The following IGFALS variants were observed in gnomAD, a reference collection of about 807,000 sequenced individuals.
The protein encoded by IGFALS is insulin like growth factor binding protein acid labile subunit.
In IGFALS, 2 loss-of-function variants were observed where a neutral mutation model predicts 2.6. The observed-to-expected ratio is 0.77, with a 90% CI of 0.32 to 2.44. The LOEUF is 2.44. Among genes scored for constraint, IGFALS ranks in the 30% most tolerant of loss-of-function variants. The pLI is 0.11. For synonymous variants in IGFALS, 519 were observed against 431.9 expected (o/e 1.20, Z -2.50); for missense variants, 996 against 848.7 (o/e 1.17, Z -2.16).
intron 1 of IGFALS, 141 bp from the exon 2 acceptor site, chr16:1,792,542 C>G: frequency 7.1e-7 from 1 of 1,409,682 alleles, no homozygotes; most frequent in Non-Finnish European, 9.3e-7. Flanking sequence ...CCGGTGAGCC[C>G]CACAGGTCCT....
chr16:1,793,509 C>G, intron 1 of IGFALS, 128 bp downstream of exon 1: 1 of 795,428 alleles, frequency 1.3e-6, no homozygotes, highest in Non-Finnish European at 2.0e-6. Context: ...TCCCCAGAGT[C>G]CCCCGCAGAC....
chr16:1,793,611 G>A, intron 1 of IGFALS, 26 bp downstream of exon 1: 1 of 1,591,146 alleles, frequency 6.3e-7, no homozygotes, highest in Non-Finnish European at 8.6e-7. Flanking sequence ...CCCTAGAGTG[G>A]GTGGCGGGGC....
In IGFALS at chr16:1,791,942, C is replaced by T. The variant is rs1391855984; in HGVS notation, c.476G>A (p.Ser159Asn). The T allele has an allele frequency of 6.3e-7, 1 of 1,591,196 alleles. No individual in the cohort carries two copies. Among genetic ancestry groups the T allele is most frequent in the Admixed American group, 1.8e-5 (1 of 56,952 alleles). Residue 159 changes from serine (S) to asparagine (N), a missense_variant, in exon 2 of 2, where the codon AGC becomes AAC. Coordinates refer to ENST00000215539, the MANE Select transcript of IGFALS (RefSeq NM_004970.3). ...CTCGAAGAGCCCGTCCTCCAGCCTG[C>T]TCAGACGGTTGTTGCTGAGGCCGAG... ...ASLGLSNNRL[S>N]RLEDGLFEGL...
In IGFALS at chr16:1,790,727, G is replaced by A. The variant is rs1345498171; in HGVS notation, c.1691C>T (p.Ala564Val). The A allele has an allele frequency of 1.9e-6, 3 of 1,608,026 alleles. No individual in the cohort carries two copies. The highest frequency in any genetic ancestry group is 4.5e-5 in the East Asian group (2 of 44,636). Residue 564 changes from alanine to valine, a missense_variant, in exon 2 of 2, where the codon GCC becomes GTC. Coordinates refer to ENST00000215539, the MANE Select transcript of IGFALS (RefSeq NM_004970.3). The stretch of plus-strand genomic sequence containing the variant: ...CTGGCAATCGTCCCCCTCACAGATG[G>A]CCTGGACGAAGCGGGGCACAGCACT... Reference protein sequence around the residue: ...NPSAVPRFVQAICEGDDCQPP... With the variant: ...NPSAVPRFVQVICEGDDCQPP...
Position 1,792,106 on chromosome 16 carries a change from G to A in IGFALS, c.312C>T (p.Asn104=), listed in dbSNP as rs1281895945. ...FQNLSSLGFL[N]LQGGQLGSLE... ...GGCTGCCCAGCTGGCCGCCCTGCAGGTTGAGGAAGCCCAGGCTGGAGAGGT... is the reference window on the plus strand; with the variant it reads ...GGCTGCCCAGCTGGCCGCCCTGCAGATTGAGGAAGCCCAGGCTGGAGAGGT... The change falls in exon 2 of 2, where the codon AAC becomes AAT. Residue 104 remains asparagine (N), a synonymous_variant. Transcript: ENST00000215539. 2.5e-6 allele frequency: 4 copies of A among 1,610,888 alleles called. No homozygotes were observed. Among genetic ancestry groups the A allele is most frequent in the Admixed American group, 1.7e-5 (1 of 59,794 alleles).
rs557105006 is a variant in IGFALS, at chr16:1,793,672, G to A, written c.-20C>T. 48 of 1,583,380 alleles carry A rather than the reference G, an allele frequency of 3.0e-5. 2 individuals are homozygous for A. The highest frequency in any genetic ancestry group is 2.7e-4 in the African/African-American group (20 of 74,278). ...GGCCATCCTGCATGCAGGGCAGGCT[G>A]CAGGCAGGCAGCGAGGGAGGGTACG... On this transcript the variant is annotated 5_prime_UTR_variant, in exon 1 of 2. Coordinates refer to ENST00000215539, the MANE Select transcript of IGFALS (RefSeq NM_004970.3).
chr16:1,792,937 C>T (rs965269657), intron 1 of IGFALS, among the ~76,000 whole-genome samples: 79 of 152,168 alleles, frequency 5.2e-4, no homozygotes, highest in Non-Finnish European at 1.0e-3. Context: ...AGGCCTTGGT[C>T]GGGTGCTGCG....
In IGFALS at chr16:1,790,917, G is replaced by A. The variant is rs1426952503; in HGVS notation, c.1501C>T (p.Leu501Phe). Residue 501 changes from leucine (L) to phenylalanine (F), a missense_variant, in exon 2 of 2, where the codon CTC (leucine) becomes TTC (phenylalanine). By Grantham distance (22) the Leu-to-Phe change is conservative (BLOSUM62 0). Transcript: ENST00000215539. Reference sequence around the variant, plus strand: ...CGCAGCCGCCCCAGTGGTGCCAAGAGGCTGTTGGGCAATGCCTCCAGGCGG... The same window carrying A: ...CGCAGCCGCCCCAGTGGTGCCAAGAAGCTGTTGGGCAATGCCTCCAGGCGG... The part of the protein sequence containing the change: ...HNRLEALPNS[L>F]LAPLGRLRYL... The A allele has an allele frequency of 6.3e-7, 1 of 1,589,608 alleles. No homozygotes were observed. The highest frequency in any genetic ancestry group is 1.1e-5 in the South Asian group (1 of 89,338).
At position 1,791,692 on chromosome 16, in the gene IGFALS, G is replaced by T. The variant is rs1567241542; in HGVS notation, c.726C>A (p.Pro242=). The T allele has an allele frequency of 1.3e-6, 2 of 1,577,076 alleles. No homozygotes were observed. The highest frequency in any genetic ancestry group is 1.8e-5 in the Admixed American group (1 of 55,770). The change falls in exon 2 of 2, where the codon CCC becomes CCA. Residue 242 remains proline, a synonymous_variant. Transcript: ENST00000215539. ...AIKANVFVQL[P]RLQKLYLDRN... is the part of the protein sequence containing the mutation. ...GGTCCAGGTAGAGTTTCTGGAGCCGGGGCAGCTGCACGAACACGTTTGCCT... is the reference window on the plus strand; with the variant it reads ...GGTCCAGGTAGAGTTTCTGGAGCCGTGGCAGCTGCACGAACACGTTTGCCT...
chr16:1,792,340 C>G lies in IGFALS; in HGVS notation c.78G>C (p.Glu26Asp). The G allele has an allele frequency of 2.5e-6, 4 of 1,592,400 alleles. No homozygotes were observed. In the South Asian group the frequency reaches 4.4e-5, roughly 18 times the overall value. The part of the protein sequence containing the change: ...SWVALGPRSL[E>D]GADPGTPGEA... ...CCCCCGGCGTTCCGGGGTCTGCTCC[C>G]TCCAGGCTGCGGGGGCCCAGTGCCA... is the stretch of plus-strand genomic sequence containing the variant. The change falls in exon 2 of 2, where the codon GAG becomes GAC. Residue 26 changes from glutamate (E) to aspartate (D), a missense_variant. Coordinates refer to ENST00000215539, the MANE Select transcript of IGFALS (RefSeq NM_004970.3).
Position 1,791,172 on chromosome 16 carries a change from A to G in IGFALS, c.1246T>C (p.Phe416Leu). The G allele has an allele frequency of 6.2e-7, 1 of 1,607,250 alleles. No individual in the cohort carries two copies. Among genetic ancestry groups the G allele is most frequent in the Non-Finnish European group, 8.5e-7 (1 of 1,179,860 alleles). ...CCCACGAGGCCGTTGTCCTTGAGGA[A>G]GAGTCGGCGGAGCCCCGAGAGGCCG... Reference protein sequence around the residue: ...FTGLSGLRRLFLKDNGLVGIE... With the variant: ...FTGLSGLRRLLLKDNGLVGIE... Residue 416 changes from phenylalanine to leucine, a missense_variant, in exon 2 of 2, where the codon TTC becomes CTC. By Grantham distance (22) the Phe-to-Leu change is conservative. Transcript: ENST00000215539.
At position 1,791,568 on chromosome 16, in the gene IGFALS, C is replaced by T; in HGVS notation, c.850G>A (p.Asp284Asn). The change falls in exon 2 of 2, where the codon GAC (aspartate) becomes AAC (asparagine). Residue 284 changes from aspartate (D) to asparagine (N), a missense_variant. Coordinates refer to ENST00000215539, the MANE Select transcript of IGFALS (RefSeq NM_004970.3). Reference sequence around the variant, plus strand: ...AGGCCCAGCAGACCGGGGAACGTGTCCTCCAGGAGGCCAGCCACGCGGTTG... The same window carrying T: ...AGGCCCAGCAGACCGGGGAACGTGTTCTCCAGGAGGCCAGCCACGCGGTTG... Reference protein sequence around the residue: ...SHNRVAGLLEDTFPGLLGLRV... With the variant: ...SHNRVAGLLENTFPGLLGLRV... 6.4e-7 allele frequency: 1 copy of T among 1,566,296 alleles called. No homozygotes were observed. Among genetic ancestry groups the T allele is most frequent in the Non-Finnish European group, 8.6e-7 (1 of 1,157,556 alleles).
chr16:1,791,132 C>T lies in IGFALS; in HGVS notation c.1286G>A (p.Ser429Asn). The T allele has an allele frequency of 6.2e-7, 1 of 1,604,750 alleles. No individual in the cohort carries two copies. The highest frequency in any genetic ancestry group is 8.5e-7 in the Non-Finnish European group (1 of 1,179,738). Residue 429 changes from serine (S) to asparagine (N), a missense_variant, in exon 2 of 2, where the codon AGC becomes AAC. By Grantham distance (46) the Ser-to-Asn change is conservative. Transcript: ENST00000215539. The stretch of plus-strand genomic sequence containing the variant: ...CAGCAGCTCCGCCAGCCCCCACAGG[C>T]TCTGCTCCTCAATGCCCACGAGGCC... ...DNGLVGIEEQ[S>N]LWGLAELLEL...
Position 1,791,896 on chromosome 16 carries a change from G to A in IGFALS, c.522C>T (p.Asp174=). 2 of 1,572,192 alleles carry A rather than the reference G, an allele frequency of 1.3e-6. No individual in the cohort carries two copies. Among genetic ancestry groups the A allele is most frequent in the Non-Finnish European group, 1.7e-6 (2 of 1,159,848 alleles). The change falls in exon 2 of 2, where the codon GAC becomes GAT. Residue 174 remains aspartate (D), a synonymous_variant. Transcript: ENST00000215539. ...GLFEGLGSLW[D]LNLGWNSLAV... ...CCAGGCTATTCCAGCCGAGGTTGAG[G>A]TCCCAGAGGCTGCCGAGGCCCTCGA... is the stretch of plus-strand genomic sequence containing the variant.
rs747262165 is a variant in IGFALS, at chr16:1,791,079, T to C, written c.1339A>G (p.Thr447Ala). The change falls in exon 2 of 2, where the codon ACG becomes GCG. Residue 447 changes from threonine to alanine, a missense_variant. Thr to Ala is a moderately conservative substitution (Grantham distance 58, BLOSUM62 0). Coordinates refer to ENST00000215539, the MANE Select transcript of IGFALS (RefSeq NM_004970.3). ...TGGAAGAGGCGGTGGGGCAGGTGCG[T>C]GAGCTGGTTGGAGGTCAGGTCGAGC... Reference protein sequence around the residue: ...LELDLTSNQLTHLPHRLFQGL... With the variant: ...LELDLTSNQLAHLPHRLFQGL... 1.3e-6 allele frequency: 2 copies of C among 1,599,072 alleles called. No homozygotes were observed. The highest frequency in any genetic ancestry group is 1.7e-6 in the Non-Finnish European group (2 of 1,179,642).
At chr16:1,794,884 C>T, upstream of IGFALS, 1 of 702,314 alleles carries the variant, frequency 1.4e-6, no homozygotes, top group Non-Finnish European at 2.6e-6. Context: ...GGCCCACTGT[C>T]ATCGTCTTCC....
Position 1,791,798 on chromosome 16 carries a change from G to A in IGFALS, c.620C>T (p.Ala207Val). Residue 207 changes from alanine to valine, a missense_variant, in exon 2 of 2, where the codon GCC (alanine) becomes GTC (valine). Coordinates refer to ENST00000215539, the MANE Select transcript of IGFALS (RefSeq NM_004970.3). Reference protein sequence around the residue: ...RELVLAGNRLAYLQPALFSGL... With the variant: ...RELVLAGNRLVYLQPALFSGL... ...GCTGAAGAGCGCGGGCTGCAGGTAG[G>A]CCAGCCTGTTGCCCGCCAGCACCAG... is the stretch of plus-strand genomic sequence containing the variant. 6.5e-7 allele frequency: 1 copy of A among 1,548,766 alleles called. No individual in the cohort carries two copies.
chr16:1,790,874 T>C lies in IGFALS; in HGVS notation c.1544A>G (p.Asn515Ser). 1.3e-6 allele frequency: 2 copies of C among 1,570,200 alleles called. No homozygotes were observed. Among genetic ancestry groups the C allele is most frequent in the Non-Finnish European group, 1.7e-6 (2 of 1,160,118 alleles). Residue 515 changes from asparagine (N) to serine (S), a missense_variant, in exon 2 of 2, where the codon AAC becomes AGC. Asn to Ser is a conservative substitution (Grantham distance 46, BLOSUM62 1). Transcript: ENST00000215539. ...CGGCGTGAAGGTCCGCAGTGAGTTG[T>C]TCCTGAGGCTGAGGTAGCGCAGCCG... ...LGRLRYLSLR[N>S]NSLRTFTPQP...
In IGFALS at chr16:1,792,012, T is replaced by C. The variant is rs762046526; in HGVS notation, c.406A>G (p.Ser136Gly). 2 of 1,609,578 alleles carry C rather than the reference T, an allele frequency of 1.2e-6. No individual in the cohort carries two copies. Among genetic ancestry groups the C allele is most frequent in the Non-Finnish European group, 1.7e-6 (2 of 1,179,250 alleles). Reference sequence around the variant, plus strand: ...TGTGCAAACGTGCCGAGTGCCAGGCTGCGCAGCTGGTTCCGCTCCAGGTGC... The same window carrying C: ...TGTGCAAACGTGCCGAGTGCCAGGCCGCGCAGCTGGTTCCGCTCCAGGTGC... The part of the protein sequence containing the change: ...HLHLERNQLR[S>G]LALGTFAHTP... The change falls in exon 2 of 2, where the codon AGC becomes GGC. Residue 136 changes from serine to glycine, a missense_variant. By Grantham distance (56) the Ser-to-Gly change is moderately conservative. Coordinates refer to ENST00000215539, the MANE Select transcript of IGFALS (RefSeq NM_004970.3).
Sources: allele counts gnomAD v4.1 joint callset (sites outside exome capture counted in the v4.1 genomes callset), GRCh38; gene constraint gnomAD v4.1.1; transcripts MANE v1.5; gene names NCBI Gene and HGNC (gene_info 2026-07-23, HGNC 2026-07-21).